Variants in CPEB1 observed in about 807,000 individuals in gnomAD.
The protein encoded by CPEB1 is cytoplasmic polyadenylation element binding protein 1, also known as cytoplasmic polyadenylation element-binding protein 1.
Under a neutral mutation model 65.8 loss-of-function variants are expected in CPEB1, and 7 were observed. The ratio of observed to expected loss-of-function variants is 0.11; its 90% CI spans 0.06 to 0.20. The LOEUF (loss-of-function observed/expected upper bound fraction) is 0.20, where lower values mean the gene tolerates loss of function less well. Among genes scored for constraint, CPEB1 ranks in the 10% least tolerant of loss-of-function variants. CPEB1 has a pLI of 1.00. For missense variants in CPEB1, 551 were observed against 712.2 expected (o/e 0.77, Z 2.58); for synonymous variants, 262 against 260.0 (o/e 1.01, Z -0.08).
At position 82,544,701 on chromosome 15, in the gene CPEB1, A is replaced by T; in HGVS notation, c.1658T>A (p.Val553Asp). Residue 553 changes from valine (V) to aspartate (D), a missense_variant and splice_region_variant, in exon 13 of 13, where the codon GTC becomes GAC. Physicochemically the swap from Val to Asp is radical, Grantham distance 152. This residue lies in a region of CPEB1 where 98 missense variants were observed against 157.6 expected (regional missense o/e 0.62). Transcript: ENST00000684509. Reference sequence around the variant, plus strand: ...GCTCCGGCAGAAGTATTTGAAGCAGACCTGGGTTGGGGGAACAAAAAGGAG... The same window carrying T: ...GCTCCGGCAGAAGTATTTGAAGCAGTCCTGGGTTGGGGGAACAAAAAGGAG... ...QPGPFFCRDQVCFKYFCRSCW... is the reference protein window; with the variant it reads ...QPGPFFCRDQDCFKYFCRSCW... The T allele has an allele frequency of 6.2e-7, 1 of 1,612,454 alleles. No individual in the cohort carries two copies. Among genetic ancestry groups the T allele is most frequent in the Non-Finnish European group, 8.5e-7 (1 of 1,179,260 alleles).
chr15:82,638,798 G>A (rs917677409), intron 1 of CPEB1, among the ~76,000 whole-genome samples: 4 of 152,340 alleles, frequency 2.6e-5, no homozygotes, highest in African/African-American at 9.6e-5. Context: ...TTCAAGGGCT[G>A]AGATGTAATG....
At chr15:82,574,722 CAAAAAAAAAAAAAAAAA>C (rs534968367) in intron 3 of CPEB1, among the ~76,000 whole-genome samples, 1 of 53,506 alleles carries the variant, frequency 1.9e-5, no homozygotes, top group African/African-American at 7.3e-5. Flanking sequence ...GACTCGGTCT[CAAAAAAAAAAAAAAAAA>C]AAAAAAAAAA....
chr15:82,564,476 G>A lies in CPEB1; in HGVS notation c.461-6490C>T, dbSNP rs1355990077. On this transcript the variant is annotated intron_variant, in intron 4 of 12. Coordinates refer to ENST00000684509, the MANE Select transcript of CPEB1 (RefSeq NM_001365242.1). Reference sequence around the variant, plus strand: ...AATTTTGTGTGTGTGTGTGTTTTTAGCAGAGATGGGGTTTCACCGTGTTAG... The same window carrying A: ...AATTTTGTGTGTGTGTGTGTTTTTAACAGAGATGGGGTTTCACCGTGTTAG... 4.6e-5 allele frequency among the ~76,000 whole-genome samples: 7 copies of A among 151,974 alleles called. No individual in the cohort carries two copies. The East Asian group carries it at 1.2e-3, about 25-fold the overall frequency.
At chr15:82,637,624 G>C (rs1226889510) in intron 1 of CPEB1, among the ~76,000 whole-genome samples, 1 of 152,016 alleles carries the variant, frequency 6.6e-6, no homozygotes, top group Non-Finnish European at 1.5e-5. Context: ...ATGCTATTCT[G>C]AAACACTTTT....
intron 3 of CPEB1, among the ~76,000 whole-genome samples, chr15:82,577,354 C>A (rs1342923400): frequency 6.6e-6 from 1 of 151,874 alleles, no homozygotes; most frequent in African/African-American, 2.4e-5. Flanking sequence ...CCACTGTGCC[C>A]GACTGCAAAG....
chr15:82,571,259 A>C, intron 4 of CPEB1, 85 bp downstream of exon 4: 1 of 1,497,098 alleles, frequency 6.7e-7, no homozygotes, highest in Non-Finnish European at 9.0e-7. Flanking sequence ...TGCAAAGGGG[A>C]ACAGAACAAC....
chr15:82,578,848 T>TG (rs1357799779), intron 3 of CPEB1, among the ~76,000 whole-genome samples: 3 of 152,210 alleles, frequency 2.0e-5, no homozygotes, highest in Non-Finnish European at 4.4e-5. Flanking sequence ...TTTTGTTTTT[T>TG]GAGAGAGTCT....
At chr15:82,627,142 A>G in intron 3 of CPEB1, 51 bp downstream of exon 3, 1 of 1,441,566 alleles carries the variant, frequency 6.9e-7, no homozygotes, top group Non-Finnish European at 9.4e-7. Context: ...ACTACTTAGA[A>G]GCAGATCTGT....
intron 10 of CPEB1, 101 bp downstream of exon 10, chr15:82,549,359 C>T: frequency 8.3e-7 from 1 of 1,199,894 alleles, no homozygotes; most frequent in Admixed American, 1.9e-5. Context: ...ATCTGCAGAC[C>T]TGGGTCAGGC....
Position 82,637,896 on chromosome 15 carries a change from G to C in CPEB1, c.-98+9241C>G, listed in dbSNP as rs867344696. 2.0e-5 allele frequency: 8 copies of C among 410,118 alleles called. No individual in the cohort carries two copies. In the Middle Eastern group the frequency reaches 3.0e-3, roughly 151 times the overall value. The allele number at this position is 410,118 out of a possible 1,614,324, so 25.4% of individuals were successfully genotyped here. A position where few individuals can be genotyped will look rare whatever the true frequency, so the allele number is the denominator to read the frequency against. ...AGGTCATATGAATATTCACCCATTA[G>C]AAATTAAAAAGGGGTAGATTTATTA... is the stretch of plus-strand genomic sequence containing the variant. On this transcript the variant is annotated intron_variant, in intron 1 of 12. Coordinates refer to ENST00000684509, the MANE Select transcript of CPEB1 (RefSeq NM_001365242.1).
chr15:82,619,795 T>C (rs1216499809), intron 3 of CPEB1, among the ~76,000 whole-genome samples: 1 of 152,064 alleles, frequency 6.6e-6, no homozygotes, highest in African/African-American at 2.4e-5. Context: ...GATGAGGATA[T>C]GAAACAACCC....
At chr15:82,551,376 C>T (rs2036214466) in intron 9 of CPEB1, among the ~76,000 whole-genome samples, 1 of 152,164 alleles carries the variant, frequency 6.6e-6, no homozygotes, top group Admixed American at 6.5e-5. Flanking sequence ...CAGGATCCCG[C>T]ATGAGAGTGG....
chr15:82,614,150 T>C (rs1459258508), intron 3 of CPEB1, among the ~76,000 whole-genome samples: 1 of 152,090 alleles, frequency 6.6e-6, no homozygotes, highest in Non-Finnish European at 1.5e-5. Flanking sequence ...TCTTCGTCAC[T>C]CCTAACCACA....
At chr15:82,560,999 C>A (rs779719968) in intron 4 of CPEB1, among the ~76,000 whole-genome samples, 2 of 152,178 alleles carry the variant, frequency 1.3e-5, no homozygotes, top group Non-Finnish European at 2.9e-5. Context: ...GCATTATAGG[C>A]TAAAGACAGA....
At chr15:82,607,262 C>T (rs1350412564) in intron 3 of CPEB1, among the ~76,000 whole-genome samples, 1 of 152,082 alleles carries the variant, frequency 6.6e-6, no homozygotes, top group South Asian at 2.1e-4. Context: ...CAAATATATA[C>T]TGCACAACAG....
intron 3 of CPEB1, among the ~76,000 whole-genome samples, chr15:82,596,910 C>T (rs1596081141): frequency 6.6e-6 from 1 of 152,162 alleles, no homozygotes; most frequent in African/African-American, 2.4e-5. Flanking sequence ...AGGATGAATA[C>T]ATGCTATAGC....
chr15:82,634,710 T>C, intron 1 of CPEB1, among the ~76,000 whole-genome samples: 1 of 152,002 alleles, frequency 6.6e-6, no homozygotes, highest in East Asian at 1.9e-4. Context: ...TCTGAAGTAT[T>C]TTTCCTCCAT....
At chr15:82,627,570 A>T (rs753956209) in intron 2 of CPEB1, among the ~76,000 whole-genome samples, 1 of 152,162 alleles carries the variant, frequency 6.6e-6, no homozygotes, top group African/African-American at 2.4e-5. Context: ...TTTGTGGAAA[A>T]ATTTCCACAA....
chr15:82,581,597 C>T (rs1886020788), intron 3 of CPEB1, among the ~76,000 whole-genome samples: 1 of 152,144 alleles, frequency 6.6e-6, no homozygotes, highest in Non-Finnish European at 1.5e-5. Flanking sequence ...TTCTCCATAT[C>T]CTTGCCGACA....
Sources: allele counts gnomAD v4.1 joint callset (sites outside exome capture counted in the v4.1 genomes callset), GRCh38; gene constraint gnomAD v4.1.1; regional missense constraint gnomAD v4.1.1; transcripts MANE v1.5; gene names NCBI Gene and HGNC (gene_info 2026-07-23, HGNC 2026-07-21).